The following SH3PXD2B variants were observed in gnomAD, a reference collection of about 807,000 sequenced individuals.
SH3PXD2B encodes the protein SH3 and PX domain-containing protein 2B.
Under a neutral mutation model 73.1 loss-of-function variants are expected in SH3PXD2B, and 37 were observed. That is an observed-to-expected ratio of 0.51 (90% CI 0.39 to 0.67). SH3PXD2B has a LOEUF of 0.67. SH3PXD2B is among the 30% of genes least tolerant of loss of function. The pLI, the probability that SH3PXD2B is intolerant of heterozygous loss-of-function variation, is 0.00. For missense variants in SH3PXD2B, 1,053 were observed against 1,197.8 expected, an observed-to-expected ratio of 0.88 and a Z score of 1.78; for synonymous variants, 457 against 480.5, an observed-to-expected ratio of 0.95 and a Z score of 0.64.
chr5:172,364,665 C>T (rs1405020962), intron 6 of SH3PXD2B, among the ~76,000 whole-genome samples: 1 of 151,786 alleles, frequency 6.6e-6, no homozygotes, highest in Non-Finnish European at 1.5e-5. Context: ...ACTCCGTCCT[C>T]CGCTCCCCGC....
rs145753952 is a variant in SH3PXD2B, at chr5:172,353,059, T to C, written c.785+829A>G. Among the ~76,000 whole-genome samples the C allele has an allele frequency of 1.1e-4, 16 of 152,264 alleles. No homozygotes were observed. The East Asian group carries it at 2.9e-3, about 28-fold the overall frequency. On this transcript the variant is annotated intron_variant, in intron 9 of 12. Transcript: ENST00000311601. The surrounding 1 kb of genome is among the most constrained non-coding windows in gnomAD (Gnocchi z 4.3). ...TCACCGTTTATGAGTTTGTCTTCTGTACCAGGTGGTGTGAGCTATTGTATC... is the reference window on the plus strand; with the variant it reads ...TCACCGTTTATGAGTTTGTCTTCTGCACCAGGTGGTGTGAGCTATTGTATC...
Position 172,447,084 on chromosome 5 carries a change from C to T in SH3PXD2B, c.75+7194G>A, listed in dbSNP as rs553160822. Among the ~76,000 whole-genome samples the T allele has an allele frequency of 8.5e-5, 13 of 152,060 alleles. No homozygotes were observed. The East Asian group carries it at 1.2e-3, about 14-fold the overall frequency. ...TCTGGCTGGAGCTGCCCCAGCTTGA[C>T]GCAGCTTCTTTTTAAAAATGAGCAT... On this transcript the variant is annotated intron_variant, in intron 1 of 12. Coordinates refer to ENST00000311601, the MANE Select transcript of SH3PXD2B (RefSeq NM_001017995.3).
Position 172,353,920 on chromosome 5 carries a change from G to A in SH3PXD2B, c.753C>T (p.Ile251=). The A allele has an allele frequency of 3.1e-6, 5 of 1,614,032 alleles. No individual in the cohort carries two copies. The highest frequency in any genetic ancestry group is 4.2e-6 in the Non-Finnish European group (5 of 1,180,026). Reference sequence around the variant, plus strand: ...TCCACCAGCCTTCCAGGTTTTTCTGGATGACCTCCACCACAGCCCCTCTCT... The same window carrying A: ...TCCACCAGCCTTCCAGGTTTTTCTGAATGACCTCCACCACAGCCCCTCTCT... The part of the protein sequence containing the change: ...NLERGAVVEV[I]QKNLEGWWKI... The change falls in exon 9 of 13, where the codon ATC becomes ATT. Residue 251 remains isoleucine (I), a synonymous_variant. Coordinates refer to ENST00000311601, the MANE Select transcript of SH3PXD2B (RefSeq NM_001017995.3). The surrounding 1 kb of genome is among the most constrained non-coding windows in gnomAD (Gnocchi z 4.3).
At position 172,334,210 on chromosome 5, in the gene SH3PXD2B, C is replaced by T; in HGVS notation, c.*4159G>A. On this transcript the variant is annotated 3_prime_UTR_variant, in exon 13 of 13. Coordinates refer to ENST00000311601, the MANE Select transcript of SH3PXD2B (RefSeq NM_001017995.3). ...GAATAGCACCAGAAACCAGATGCCACCCCACGGAGCTGGGCAGTCCAGTCT... is the reference window on the plus strand; with the variant it reads ...GAATAGCACCAGAAACCAGATGCCATCCCACGGAGCTGGGCAGTCCAGTCT... The T allele has an allele frequency of 2.7e-6, 3 of 1,094,788 alleles. No homozygotes were observed. Among genetic ancestry groups the T allele is most frequent in the Non-Finnish European group, 3.3e-6 (3 of 899,074 alleles). The allele number at this position is 1,094,788 out of a possible 1,614,324, so 67.8% of individuals were successfully genotyped here.
chr5:172,345,060 G>A (rs1442557506), intron 12 of SH3PXD2B, among the ~76,000 whole-genome samples: 1 of 145,546 alleles, frequency 6.9e-6, no homozygotes, highest in Non-Finnish European at 1.5e-5. Context: ...ACAAAGGAAG[G>A]AGGAAGGAGG....
chr5:172,325,284 C>T, exon 13 of SH3PXD2B: 1 of 1,534,860 alleles, frequency 6.5e-7, no homozygotes, highest in Non-Finnish European at 8.7e-7. Context: ...TCTCACATCT[C>T]CATGGAAGCT....
intron 10 of SH3PXD2B, among the ~76,000 whole-genome samples, chr5:172,348,626 G>GTCTGTCTATCTATCTATCTATC (rs1561896273): frequency 1.1e-5 from 1 of 92,554 alleles, no homozygotes; most frequent in Admixed American, 1.1e-4. Flanking sequence ...ATCTATCTAT[G>GTCTGTCTATCTATCTATCTATC]TATCTATCTA....
intron 2 of SH3PXD2B, among the ~76,000 whole-genome samples, chr5:172,418,774 C>A (rs373825577): frequency 6.6e-6 from 1 of 152,222 alleles, no homozygotes; most frequent in African/African-American, 2.4e-5. Context: ...CTGCCTTAGA[C>A]AACTTTGTTA....
At chr5:172,436,144 T>A (rs1477634608) in intron 1 of SH3PXD2B, among the ~76,000 whole-genome samples, 3 of 152,222 alleles carry the variant, frequency 2.0e-5, no homozygotes, top group South Asian at 2.1e-4. Flanking sequence ...TGTGCCCCTA[T>A]GGGCCTCTTA....
At chr5:172,404,037 C>A (rs576972058) in intron 3 of SH3PXD2B, among the ~76,000 whole-genome samples, 1 of 152,200 alleles carries the variant, frequency 6.6e-6, no homozygotes, top group Admixed American at 6.5e-5. Context: ...AGCTGGCCAG[C>A]GGGGTTTTCT....
chr5:172,353,813 G>C lies in SH3PXD2B; in HGVS notation c.785+75C>G. The C allele has an allele frequency of 1.8e-6, 2 of 1,137,844 alleles. No individual in the cohort carries two copies. Among genetic ancestry groups the C allele is most frequent in the South Asian group, 2.5e-5 (2 of 81,378 alleles). The allele number at this position is 1,137,844 out of a possible 1,614,324, so 70.5% of individuals were successfully genotyped here. ...TCACTTACCGACCTCTGTGAGGCCA[G>C]AGTCCCTGTGACCCCAAACCCACCC... On this transcript the variant is annotated intron_variant, in intron 9 of 12. Transcript: ENST00000311601. The surrounding 1 kb of genome is among the most constrained non-coding windows in gnomAD (Gnocchi z 4.3).
In SH3PXD2B at chr5:172,335,051, G is replaced by C; in HGVS notation, c.*3318C>G. On this transcript the variant is annotated 3_prime_UTR_variant, in exon 13 of 13. Coordinates refer to ENST00000311601, the MANE Select transcript of SH3PXD2B (RefSeq NM_001017995.3). Reference sequence around the variant, plus strand: ...CTCAGCTCTCCCGCAGTCTCAGCTGGGACGACATACACCCACCAATGGCAA... The same window carrying C: ...CTCAGCTCTCCCGCAGTCTCAGCTGCGACGACATACACCCACCAATGGCAA... 1.0e-6 allele frequency: 1 copy of C among 985,452 alleles called. No homozygotes were observed. Among genetic ancestry groups the C allele is most frequent in the Non-Finnish European group, 1.2e-6 (1 of 829,980 alleles). 61.0% of individuals were successfully genotyped at this position (985,452 alleles called of 1,614,324 possible).
chr5:172,339,904 T>G lies in SH3PXD2B; in HGVS notation c.1201A>C (p.Asn401His). 1 of 1,614,212 alleles carries G rather than the reference T, an allele frequency of 6.2e-7. No homozygotes were observed. Among genetic ancestry groups the G allele is most frequent in the Non-Finnish European group, 8.5e-7 (1 of 1,180,044 alleles). The change falls in exon 13 of 13, where the codon AAC (asparagine) becomes CAC (histidine). Residue 401 changes from asparagine (N) to histidine (H), a missense_variant. Transcript: ENST00000311601. The surrounding 1 kb of genome is among the most constrained non-coding windows in gnomAD (Gnocchi z 6.1). ...AGLKVEVIEK[N>H]LSGWWYIQIE... ...TGAATGTACCACCAGCCACTCAAGT[T>G]TTTCTCGATCACCTGCAAGGGAGGA...
At chr5:172,359,199 C>A (rs1430692124) in intron 7 of SH3PXD2B, among the ~76,000 whole-genome samples, 1 of 151,918 alleles carries the variant, frequency 6.6e-6, no homozygotes, top group Admixed American at 6.6e-5. Context: ...CCAGCTTGGA[C>A]AACATGACAA....
intron 3 of SH3PXD2B, among the ~76,000 whole-genome samples, chr5:172,403,977 C>T (rs963377960): frequency 2.0e-5 from 3 of 152,198 alleles, no homozygotes; most frequent in African/African-American, 7.2e-5. Context: ...ACAGGCTAGT[C>T]TGTTTGACTC....
chr5:172,334,522 A>T lies in SH3PXD2B; in HGVS notation c.*3847T>A. 1 of 985,600 alleles carries T rather than the reference A, an allele frequency of 1.0e-6. No homozygotes were observed. The highest frequency in any genetic ancestry group is 1.2e-6 in the Non-Finnish European group (1 of 830,056). The allele number at this position is 985,600 out of a possible 1,614,324, so 61.1% of individuals were successfully genotyped here. ...CGGGCCTGGACAACCCTTGGGGGAT[A>T]AGACAGCCACACATGGCTCAGGCTG... On this transcript the variant is annotated 3_prime_UTR_variant, in exon 13 of 13. Coordinates refer to ENST00000311601, the MANE Select transcript of SH3PXD2B (RefSeq NM_001017995.3).
intron 3 of SH3PXD2B, among the ~76,000 whole-genome samples, chr5:172,398,610 T>C (rs1387385664): frequency 6.6e-6 from 1 of 152,248 alleles, no homozygotes; most frequent in African/African-American, 2.4e-5. Flanking sequence ...CCACTCCTGT[T>C]CAATATTTAG....
At chr5:172,327,795 C>T (rs1236222922) in intron 12 of SH3PXD2B, among the ~76,000 whole-genome samples, 2 of 148,546 alleles carry the variant, frequency 1.3e-5, no homozygotes, top group Non-Finnish European at 2.9e-5. Context: ...TACTCTGTCA[C>T]CCAGGCTGGA....
At chr5:172,402,693 A>T (rs1467654346) in intron 3 of SH3PXD2B, among the ~76,000 whole-genome samples, 1 of 152,196 alleles carries the variant, frequency 6.6e-6, no homozygotes, top group Admixed American at 6.5e-5. Context: ...AATTTTGGGG[A>T]AGGCATTTAC....
Sources: allele counts gnomAD v4.1 joint callset (sites outside exome capture counted in the v4.1 genomes callset), GRCh38; gene constraint gnomAD v4.1.1; non-coding constraint Gnocchi (gnomAD v3.1); transcripts MANE v1.5; gene names NCBI Gene and HGNC (gene_info 2026-07-23, HGNC 2026-07-21).